SMPD4: variants seen among roughly 807,000 people sequenced by gnomAD.
The protein encoded by SMPD4 is sphingomyelin phosphodiesterase 4.
In SMPD4, 58 loss-of-function variants were observed where a neutral mutation model predicts 97.8. That is an observed-to-expected ratio of 0.59 (90% CI 0.48 to 0.74). The LOEUF (loss-of-function observed/expected upper bound fraction) is 0.74, where lower values mean the gene tolerates loss of function less well. SMPD4 is among the 30% of genes least tolerant of loss of function. The pLI, the probability that SMPD4 is intolerant of heterozygous loss-of-function variation, is 0.00. For synonymous variants in SMPD4, 388 were observed against 450.0 expected, an observed-to-expected ratio of 0.86 and a Z score of 1.74; for missense variants, 853 against 1,080.5, an observed-to-expected ratio of 0.79 and a Z score of 2.95.
chr2:130,165,315 A>G (rs1299784203), intron 9 of SMPD4, among the ~76,000 whole-genome samples: 1 of 151,860 alleles, frequency 6.6e-6, no homozygotes, highest in Non-Finnish European at 1.5e-5. Flanking sequence ...CAGCTCAGCT[A>G]CTCAGGAGGC....
At chr2:130,175,148 T>C (rs1688850761) in intron 2 of SMPD4, 148 bp from the exon 3 acceptor site, 1 of 596,928 alleles carries the variant, frequency 1.7e-6, no homozygotes, top group Non-Finnish European at 3.1e-6. Flanking sequence ...CCCTCATGTG[T>C]GTCAGTGGCC....
chr2:130,171,805 G>A (rs1688489530), intron 8 of SMPD4, among the ~76,000 whole-genome samples: 1 of 152,206 alleles, frequency 6.6e-6, no homozygotes, highest in Non-Finnish European at 1.5e-5. Flanking sequence ...GCTGCTGCTG[G>A]GGCAAGAGGG....
intron 9 of SMPD4, among the ~76,000 whole-genome samples, chr2:130,165,735 C>A (rs1451008085): frequency 1.3e-5 from 2 of 152,078 alleles, no homozygotes; most frequent in African/African-American, 4.8e-5. Context: ...GGTTTGATTT[C>A]CTTGTTTTTC....
At position 130,153,436 on chromosome 2, in the gene SMPD4, C is replaced by G; in HGVS notation, c.1908G>C (p.Gln636His). 1 of 1,613,864 alleles carries G rather than the reference C, an allele frequency of 6.2e-7. No homozygotes were observed. Among genetic ancestry groups the G allele is most frequent in the East Asian group, 2.2e-5 (1 of 44,886 alleles). ...LRQIFRLSEA[Q>H]LRQFTLALGT... The stretch of plus-strand genomic sequence containing the variant: ...CCAAGGCGAGTGTGAACTGCCTGAG[C>G]TGCGCTTCGCTGAGCTGCCAGAGAG... Residue 636 changes from glutamine (Q) to histidine (H), a missense_variant, in exon 18 of 20, where the codon CAG (glutamine) becomes CAC (histidine). By Grantham distance (24) the Gln-to-His change is conservative. This residue lies in a region of SMPD4 where 511 missense variants were observed against 608.1 expected (regional missense o/e 0.84). Coordinates refer to ENST00000680298, the MANE Select transcript of SMPD4 (RefSeq NM_017951.5).
At chr2:130,173,723 C>T (rs1231346318) in intron 3 of SMPD4, 67 bp from the exon 4 acceptor site, 2 of 1,599,146 alleles carry the variant, frequency 1.3e-6, no homozygotes, top group East Asian at 2.3e-5. Flanking sequence ...TCTAGTCCTG[C>T]ACCACCTGCT....
rs375205127 is a variant in SMPD4, at chr2:130,156,708, G to A, written c.1098-33C>T. The A allele has an allele frequency of 1.4e-5, 23 of 1,600,770 alleles. No homozygotes were observed. The African/African-American group carries it at 3.0e-4, about 21-fold the overall frequency. ...GGATGGGGAGGGTCACCTGCTGCTT[G>A]CCCAGTAAGGAGGCCCTGCTCACAG... On this transcript the variant is annotated intron_variant, in intron 12 of 19. Coordinates refer to ENST00000680298, the MANE Select transcript of SMPD4 (RefSeq NM_017951.5).
chr2:130,154,744 C>T, intron 15 of SMPD4: 2 of 582,820 alleles, frequency 3.4e-6, no homozygotes, highest in South Asian at 4.0e-5. Flanking sequence ...CAACGCCCAA[C>T]CCAGCCAGGA....
At position 130,181,595 on chromosome 2, in the gene SMPD4, T is replaced by G; in HGVS notation, c.-111A>C. The G allele has an allele frequency of 1.2e-6, 2 of 1,602,474 alleles. No individual in the cohort carries two copies. The highest frequency in any genetic ancestry group is 4.5e-5 in the East Asian group (2 of 44,428). On this transcript the variant is annotated 5_prime_UTR_variant, in exon 1 of 20. Coordinates refer to ENST00000680298, the MANE Select transcript of SMPD4 (RefSeq NM_017951.5). ...CGCCATTCCGCCACGGCGCCGAAAG[T>G]CGTCATCAAGCTGCGCGCAGAGCCA...
upstream of SMPD4, chr2:130,181,739 G>A (rs768755834): frequency 2.0e-5 from 31 of 1,548,624 alleles, no homozygotes; most frequent in South Asian, 3.6e-5. Flanking sequence ...AGGAGTGCGG[G>A]GGAGGGAGTG....
At chr2:130,164,504 G>T (rs1687737688) in intron 9 of SMPD4, 59 bp from the exon 10 acceptor site, 1 of 1,406,018 alleles carries the variant, frequency 7.1e-7, no homozygotes, top group Non-Finnish European at 1.0e-6. Context: ...ACCATCCAGT[G>T]GGGAAAGGAC....
chr2:130,155,573 G>A (rs539449556), intron 14 of SMPD4, among the ~76,000 whole-genome samples: 2 of 152,202 alleles, frequency 1.3e-5, no homozygotes, highest in East Asian at 3.9e-4. Context: ...TCCCCCAGAG[G>A]GTCCAAAGGG....
chr2:130,165,920 CACA>C (rs1461729086), intron 9 of SMPD4, among the ~76,000 whole-genome samples: 1 of 152,028 alleles, frequency 6.6e-6, no homozygotes, highest in Non-Finnish European at 1.5e-5. Flanking sequence ...AGATTGCATG[CACA>C]ACAACATGAC....
intron 8 of SMPD4, among the ~76,000 whole-genome samples, chr2:130,169,663 C>G (rs1688254303): frequency 6.6e-6 from 1 of 151,960 alleles, no homozygotes; most frequent in Non-Finnish European, 1.5e-5. Context: ...ACAAGTGATC[C>G]TCCCACCTCA....
At chr2:130,156,756 T>C (rs1686839798) in intron 12 of SMPD4, 81 bp from the exon 13 acceptor site, 1 of 1,563,452 alleles carries the variant, frequency 6.4e-7, no homozygotes, top group East Asian at 2.4e-5. Flanking sequence ...CTCCCATCAG[T>C]GAGGGTTGGC....
At chr2:130,181,401 T>G (rs1428278009) in intron 1 of SMPD4, 129 bp downstream of exon 1, 18 of 1,476,294 alleles carry the variant, frequency 1.2e-5, no homozygotes, top group African/African-American at 2.8e-5. Flanking sequence ...CAGCCTGCCC[T>G]GCCTGGGCAG....
chr2:130,167,731 C>T (rs375980111), intron 8 of SMPD4, 141 bp from the exon 9 acceptor site: 1 of 791,372 alleles, frequency 1.3e-6, no homozygotes, highest in Non-Finnish European at 2.0e-6. Flanking sequence ...GCACACCTCC[C>T]CCCAGCCCCC....
chr2:130,172,759 T>C, intron 6 of SMPD4, 28 bp downstream of exon 6: 1 of 1,614,082 alleles, frequency 6.2e-7, no homozygotes, highest in Non-Finnish European at 8.5e-7. Context: ...ACCCACAGCC[T>C]CCCTACCTCA....
intron 10 of SMPD4, among the ~76,000 whole-genome samples, chr2:130,163,935 G>A (rs1007309789): frequency 6.6e-6 from 1 of 152,222 alleles, no homozygotes; most frequent in African/African-American, 2.4e-5. Flanking sequence ...GAGAAGGTGG[G>A]GGAGTAGGGT....
chr2:130,167,403 C>T (rs368525395), intron 9 of SMPD4, 55 bp downstream of exon 9: 9 of 1,609,186 alleles, frequency 5.6e-6, no homozygotes, highest in East Asian at 2.2e-5. Context: ...ATTATAGGCA[C>T]GAGCCACCAT....
Sources: gnomAD v4.1 joint callset for allele counts (sites outside exome capture counted in the v4.1 genomes callset) on GRCh38, gnomAD v4.1.1 for gene constraint, gnomAD v4.1.1 regional missense constraint, MANE v1.5 for transcripts, NCBI Gene and HGNC (gene_info 2026-07-23, HGNC 2026-07-21) for gene names.